The following SIK2 variants were observed in gnomAD, a reference collection of about 807,000 sequenced individuals.
The protein encoded by SIK2 is salt inducible kinase 2.
Under a neutral mutation model 103.2 loss-of-function variants are expected in SIK2, and 29 were observed. The ratio of observed to expected loss-of-function variants is 0.28; its 90% confidence interval spans 0.21 to 0.38. The LOEUF is 0.38. Among genes scored for constraint, SIK2 ranks in the 10% least tolerant of loss-of-function variants. SIK2 has a pLI of 1.00. For missense variants in SIK2, 879 were observed against 1,171.0 expected, an observed-to-expected ratio of 0.75 and a Z score of 3.64; for synonymous variants, 412 against 446.1, an observed-to-expected ratio of 0.92 and a Z score of 0.96.
intron 1 of SIK2, among the ~76,000 whole-genome samples, chr11:111,611,087 TG>T (rs1004100455): frequency 5.2e-3 from 8 of 1,530 alleles, no homozygotes; most frequent in Admixed American, 0.052. Context: ...CTCGACCAAA[TG>T]TGTGTGTGTG....
intron 3 of SIK2, among the ~76,000 whole-genome samples, chr11:111,634,370 C>G (rs150238307): frequency 6.6e-6 from 1 of 152,044 alleles, no homozygotes. Context: ...GAAAGTAGTT[C>G]GTTTGTTTTC....
chr11:111,634,492 A>G (rs924120475), intron 3 of SIK2, among the ~76,000 whole-genome samples: 1 of 152,042 alleles, frequency 6.6e-6, no homozygotes, highest in Non-Finnish European at 1.5e-5. Flanking sequence ...GTCCCAGGTC[A>G]GTATTGCTTA....
chr11:111,610,294 A>G (rs1459170660), intron 1 of SIK2, among the ~76,000 whole-genome samples: 1 of 152,150 alleles, frequency 6.6e-6, no homozygotes, highest in Non-Finnish European at 1.5e-5. Context: ...GTTTGAGACC[A>G]GCCTGGCCAA....
intron 2 of SIK2, among the ~76,000 whole-genome samples, chr11:111,618,099 G>T (rs770632721): frequency 1.3e-5 from 2 of 152,082 alleles, no homozygotes; most frequent in African/African-American, 4.8e-5. Context: ...GACCAGTTTC[G>T]TGGAAGGCAA....
At chr11:111,630,780 C>T (rs1366003048) in intron 3 of SIK2, among the ~76,000 whole-genome samples, 2 of 152,058 alleles carry the variant, frequency 1.3e-5, no homozygotes, top group Admixed American at 1.3e-4. Context: ...AAGTACTTTT[C>T]AGTAAACTGG....
intron 3 of SIK2, among the ~76,000 whole-genome samples, chr11:111,628,451 T>TTTCTTTCTTTCC (rs1202914561): frequency 2.1e-5 from 3 of 144,766 alleles, no homozygotes; most frequent in African/African-American, 7.9e-5. Context: ...TCTTTCTTTC[T>TTTCTTTCTTTCC]TTTTTGAGAC....
At chr11:111,620,288 G>C in intron 2 of SIK2, 51 bp from the exon 3 acceptor site, 1 of 1,184,004 alleles carries the variant, frequency 8.4e-7, no homozygotes, top group Non-Finnish European at 1.2e-6. Flanking sequence ...GAATATTGTG[G>C]AAAATTCCAG....
At chr11:111,671,585 C>A in intron 3 of SIK2, 2 of 331,278 alleles carry the variant, frequency 6.0e-6, no homozygotes, top group South Asian at 5.9e-5. Flanking sequence ...GAGATGTCCT[C>A]ATACTGGGCA....
intron 3 of SIK2, among the ~76,000 whole-genome samples, chr11:111,665,771 A>G (rs1485707829): frequency 6.6e-6 from 1 of 151,788 alleles, no homozygotes; most frequent in Non-Finnish European, 1.5e-5. Flanking sequence ...GGTTGTGGTG[A>G]GGTGAGATTG....
In SIK2 at chr11:111,701,490, T is replaced by C; in HGVS notation, c.642T>C (p.Ala214=). The change falls in exon 6 of 15, where the codon GCT becomes GCC. Residue 214 remains alanine, a synonymous_variant. Transcript: ENST00000304987. The surrounding 1 kb of genome is among the most constrained non-coding windows in gnomAD (Gnocchi z 4.2). ...TTCTTTATGTCCTTGTCTGTGGAGC[T>C]CTGCCCTTTGATGGACCGACTCTTC... is the stretch of plus-strand genomic sequence containing the variant. ...GVVLYVLVCG[A]LPFDGPTLPI... is the part of the protein sequence containing the mutation. The C allele has an allele frequency of 1.2e-6, 2 of 1,613,956 alleles. No homozygotes were observed. Among genetic ancestry groups the C allele is most frequent in the Non-Finnish European group, 1.7e-6 (2 of 1,179,860 alleles).
At position 111,720,982 on chromosome 11, in the gene SIK2, G is replaced by C. The variant is rs1301905897; in HGVS notation, c.1864G>C (p.Glu622Gln). ...LELNKVQLLY[E>Q]QIGPEADPNL... is the part of the protein sequence containing the mutation. ...GTTGAACAAAGTGCAGTTGTTGTATGAACAAATAGGACCGGAGGCAGACCC... is the reference window on the plus strand; with the variant it reads ...GTTGAACAAAGTGCAGTTGTTGTATCAACAAATAGGACCGGAGGCAGACCC... Residue 622 changes from glutamate (E) to glutamine (Q), a missense_variant, in exon 12 of 15, where the codon GAA (glutamate) becomes CAA (glutamine). Transcript: ENST00000304987. 1.9e-6 allele frequency: 3 copies of C among 1,614,010 alleles called. No individual in the cohort carries two copies. The African/African-American group carries it at 4.0e-5, about 22-fold the overall frequency.
chr11:111,662,753 A>C (rs558946448), intron 3 of SIK2, among the ~76,000 whole-genome samples: 1 of 151,116 alleles, frequency 6.6e-6, no homozygotes, highest in Non-Finnish European at 1.5e-5. Context: ...TGGTGTGTGC[A>C]TGTAGTCCCA....
chr11:111,653,910 C>G (rs1168046613), intron 3 of SIK2, among the ~76,000 whole-genome samples: 2 of 152,180 alleles, frequency 1.3e-5, no homozygotes, highest in Non-Finnish European at 2.9e-5. Flanking sequence ...TTAAACACCT[C>G]TTTTGTTTTA....
In SIK2 at chr11:111,727,759, TAAGGC is replaced by T. The variant is rs1944022686; in HGVS notation, c.*3635_*3639del. On this transcript the variant is annotated 3_prime_UTR_variant, in exon 15 of 15. Coordinates refer to ENST00000304987, the MANE Select transcript of SIK2 (RefSeq NM_015191.3). ...AGTGATTAGGTGATCAGCCAGAAAC[TAAGGC>T]AAGGTGACAAGCAGCAGCCTGGAGT... 1 of 152,200 alleles carries T rather than the reference TAAGGC, an allele frequency of 6.6e-6. No homozygotes were observed. Among genetic ancestry groups the T allele is most frequent in the African/African-American group, 2.4e-5 (1 of 41,406 alleles). The allele number at this position is 152,200 out of a possible 1,614,324, so 9.4% of individuals were successfully genotyped here.
At position 111,724,247 on chromosome 11, in the gene SIK2, A is replaced by C; in HGVS notation, c.*118A>C. ...CCCTCTCCCTAACGGGGAGAAATCGAGCCACCCAACTGGAATCAGAGGGTC... is the reference window on the plus strand; with the variant it reads ...CCCTCTCCCTAACGGGGAGAAATCGCGCCACCCAACTGGAATCAGAGGGTC... On this transcript the variant is annotated 3_prime_UTR_variant, in exon 15 of 15. Coordinates refer to ENST00000304987, the MANE Select transcript of SIK2 (RefSeq NM_015191.3). 7.2e-7 allele frequency: 1 copy of C among 1,387,500 alleles called. No homozygotes were observed. The highest frequency in any genetic ancestry group is 9.5e-7 in the Non-Finnish European group (1 of 1,047,344). The allele number at this position is 1,387,500 out of a possible 1,614,324, so 85.9% of individuals were successfully genotyped here.
chr11:111,658,611 CAT>C (rs945665581), intron 3 of SIK2, among the ~76,000 whole-genome samples: 1 of 152,046 alleles, frequency 6.6e-6, no homozygotes, highest in Non-Finnish European at 1.5e-5. Context: ...GGCACAGTGG[CAT>C]ATGCCTGTAG....
intron 3 of SIK2, among the ~76,000 whole-genome samples, chr11:111,647,956 G>A (rs556582346): frequency 1.3e-5 from 2 of 152,092 alleles, no homozygotes; most frequent in South Asian, 4.2e-4. Flanking sequence ...TAAGTCTGCA[G>A]TCTCAAAAAT....
At chr11:111,654,735 C>T (rs1228189815) in intron 3 of SIK2, among the ~76,000 whole-genome samples, 1 of 152,220 alleles carries the variant, frequency 6.6e-6, no homozygotes, top group Non-Finnish European at 1.5e-5. Flanking sequence ...TTGTCATCAA[C>T]TGCCTCTTCT....
chr11:111,614,103 A>G (rs1416234078), intron 1 of SIK2, among the ~76,000 whole-genome samples: 1 of 107,536 alleles, frequency 9.3e-6, no homozygotes, highest in Admixed American at 1.0e-4. Context: ...TTTTTTTTTG[A>G]CAGAGTCTCG....
Sources: gnomAD v4.1 joint callset for allele counts (sites outside exome capture counted in the v4.1 genomes callset) on GRCh38, gnomAD v4.1.1 for gene constraint, Gnocchi (gnomAD v3.1) non-coding constraint, MANE v1.5 for transcripts, NCBI Gene and HGNC (gene_info 2026-07-23, HGNC 2026-07-21) for gene names.